SPON1: variants seen among roughly 807,000 people sequenced by gnomAD.
SPON1 encodes the protein spondin-1.
A neutral mutation model predicts 111.7 loss-of-function variants in SPON1; 52 were observed. The observed-to-expected ratio is 0.47, with a 90% confidence interval of 0.37 to 0.59. The LOEUF (loss-of-function observed/expected upper bound fraction) is 0.59. SPON1 is among the 20% of genes least tolerant of loss of function. The pLI is 0.00. For missense variants in SPON1, 957 were observed against 1,068.5 expected (o/e 0.90, Z 1.46); for synonymous variants, 410 against 395.8 (o/e 1.04, Z -0.43).
chr11:14,140,660 G>A (rs1847643334), intron 6 of SPON1, among the ~76,000 whole-genome samples: 1 of 152,182 alleles, frequency 6.6e-6, no homozygotes, highest in African/African-American at 2.4e-5. Flanking sequence ...CTCCCAAAGT[G>A]CTAGGATTAC....
chr11:14,177,684 G>A (rs1440849469), intron 6 of SPON1, among the ~76,000 whole-genome samples: 1 of 152,148 alleles, frequency 6.6e-6, no homozygotes, highest in Non-Finnish European at 1.5e-5. Flanking sequence ...CCCCATAGGT[G>A]ACCAACCATG....
chr11:14,132,697 G>GA (rs1847541757), intron 5 of SPON1, among the ~76,000 whole-genome samples: 2 of 152,006 alleles, frequency 1.3e-5, no homozygotes, highest in South Asian at 4.2e-4. Context: ...ACTCCATCTG[G>GA]GTCCCTCCCC....
intron 6 of SPON1, among the ~76,000 whole-genome samples, chr11:14,169,028 G>A (rs1201775405): frequency 6.6e-6 from 1 of 152,196 alleles, no homozygotes; most frequent in Non-Finnish European, 1.5e-5. Context: ...GTAATGGGAT[G>A]GCTGGGTCAA....
intron 6 of SPON1, among the ~76,000 whole-genome samples, chr11:14,154,429 G>A (rs967285113): frequency 7.9e-5 from 12 of 152,220 alleles, no homozygotes; most frequent in African/African-American, 2.9e-4. Context: ...CTCTGGAGCT[G>A]TGACCTGAGA....
chr11:14,037,245 G>C (rs1848601355), intron 2 of SPON1, among the ~76,000 whole-genome samples: 1 of 152,118 alleles, frequency 6.6e-6, no homozygotes, highest in African/African-American at 2.4e-5. Context: ...GGAGAGATTT[G>C]AATGTGCTTA....
chr11:14,022,700 A>C (rs934696270), intron 2 of SPON1, among the ~76,000 whole-genome samples: 1 of 152,214 alleles, frequency 6.6e-6, no homozygotes, highest in Non-Finnish European at 1.5e-5. Context: ...TCTTTCCCTC[A>C]AAGTTAAGCT....
At chr11:13,993,207 G>T (rs564441485) in intron 2 of SPON1, among the ~76,000 whole-genome samples, 1 of 152,112 alleles carries the variant, frequency 6.6e-6, no homozygotes, top group South Asian at 2.1e-4. Context: ...GAGGGAATGG[G>T]CTTCCTAGTA....
intron 5 of SPON1, among the ~76,000 whole-genome samples, chr11:14,111,976 C>G (rs2133849271): frequency 6.6e-6 from 1 of 152,020 alleles, no homozygotes; most frequent in Non-Finnish European, 1.5e-5. Flanking sequence ...ACACTCAACA[C>G]TTGGAAAGAA....
At chr11:14,257,618 G>A in intron 10 of SPON1, 98 bp from the exon 11 acceptor site, 2 of 1,193,568 alleles carry the variant, frequency 1.7e-6, no homozygotes, top group East Asian at 2.7e-5. Flanking sequence ...CAGTCTGGCA[G>A]CATGGCTTTT....
At chr11:14,078,460 T>A (rs962775734) in intron 4 of SPON1, among the ~76,000 whole-genome samples, 1 of 149,878 alleles carries the variant, frequency 6.7e-6, no homozygotes, top group African/African-American at 2.5e-5. Context: ...AGGGAGGCAA[T>A]TTTTTTTTTA....
At chr11:13,968,277 T>C (rs1554908253) in intron 1 of SPON1, among the ~76,000 whole-genome samples, 1 of 152,198 alleles carries the variant, frequency 6.6e-6, no homozygotes, top group Non-Finnish European at 1.5e-5. Context: ...AAATGGGAGA[T>C]CCAGCATGAT....
Position 14,032,031 on chromosome 11 carries a change from A to G in SPON1, c.346-9490A>G, listed in dbSNP as rs148279422. ...AATAGCCCCAAATTATAAACAACAAAATGTTCAACGTGCTGAGGTTTGTTA... is the reference window on the plus strand; with the variant it reads ...AATAGCCCCAAATTATAAACAACAAGATGTTCAACGTGCTGAGGTTTGTTA... On this transcript the variant is annotated intron_variant, in intron 2 of 15. Transcript: ENST00000576479. Among the ~76,000 whole-genome samples, 330 of 152,324 alleles carry G rather than the reference A, an allele frequency of 2.2e-3. 2 individuals carry two copies. The highest frequency in any genetic ancestry group is 7.6e-3 in the African/African-American group (314 of 41,580).
At chr11:14,052,634 T>C (rs1848716483) in intron 3 of SPON1, among the ~76,000 whole-genome samples, 1 of 152,194 alleles carries the variant, frequency 6.6e-6, no homozygotes, top group Non-Finnish European at 1.5e-5. Flanking sequence ...AATGAAAACA[T>C]GTGCCTGATT....
intron 2 of SPON1, among the ~76,000 whole-genome samples, chr11:14,009,337 T>C (rs1233495177): frequency 6.6e-6 from 1 of 152,136 alleles, no homozygotes; most frequent in African/African-American, 2.4e-5. Context: ...TCTAGACACA[T>C]TGGTCTTCTA....
At chr11:14,243,221 A>G in intron 6 of SPON1, 111 bp from the exon 7 acceptor site, 1 of 1,013,074 alleles carries the variant, frequency 9.9e-7, no homozygotes, top group Non-Finnish European at 1.5e-6. Context: ...AGGCAGGAAA[A>G]GCCCCAACAG....
intron 6 of SPON1, among the ~76,000 whole-genome samples, chr11:14,194,528 TCACACACACACACACA>T (rs372569370): frequency 2.8e-5 from 3 of 106,862 alleles, no homozygotes; most frequent in Admixed American, 2.0e-4. Flanking sequence ...TAGGCCTACT[TCACACACACACACACA>T]CACACACACA....
chr11:14,048,433 T>C (rs148423716), intron 3 of SPON1, among the ~76,000 whole-genome samples: 115 of 152,296 alleles, frequency 7.6e-4, no homozygotes, highest in African/African-American at 2.7e-3. Context: ...TGTCTATAGA[T>C]GACAGCTCTG....
At chr11:14,071,720 C>CTT (rs34458930) in intron 3 of SPON1, among the ~76,000 whole-genome samples, 8 of 151,368 alleles carry the variant, frequency 5.3e-5, no homozygotes, top group Non-Finnish European at 1.0e-4. Flanking sequence ...ATAATCTAAC[C>CTT]TTTTTTTTTG....
At position 14,100,857 on chromosome 11, in the gene SPON1, A is replaced by G. The variant is rs575311497; in HGVS notation, c.676+20836A>G. On this transcript the variant is annotated intron_variant, in intron 5 of 15. Transcript: ENST00000576479. ...TTTATTATGCTCTCACATTTAAATG[A>G]CTGATGGCTGACATAAGACCTGCAT... Among the ~76,000 whole-genome samples the G allele has an allele frequency of 2.0e-5, 3 of 152,318 alleles. No individual in the cohort carries two copies. In the South Asian group the frequency reaches 6.2e-4, roughly 32 times the overall value.
Sources: gnomAD v4.1 joint callset for allele counts (sites outside exome capture counted in the v4.1 genomes callset) on GRCh38, gnomAD v4.1.1 for gene constraint, MANE v1.5 for transcripts, NCBI Gene and HGNC (gene_info 2026-07-23, HGNC 2026-07-21) for gene names.